The following TMEM120A variants were observed in gnomAD, a reference collection of about 807,000 sequenced individuals.
TMEM120A encodes transmembrane protein 120A, also known as ion channel TACAN.
Under a neutral mutation model 54.3 loss-of-function variants are expected in TMEM120A, and 45 were observed. The ratio of observed to expected loss-of-function variants is 0.83; its 90% CI spans 0.65 to 1.06. The LOEUF is 1.06. Among genes scored for constraint, TMEM120A ranks in the 50% least tolerant of loss-of-function variants. The pLI, the probability that TMEM120A is intolerant of heterozygous loss-of-function variation, is 0.00. For synonymous variants in TMEM120A, 204 were observed against 178.5 expected (o/e 1.14, Z -1.14); for missense variants, 424 against 441.7 (o/e 0.96, Z 0.36).
rs782801337 is a variant in TMEM120A, at chr7:75,987,776, G to T, written c.726C>A (p.Ser242Arg). 1.2e-6 allele frequency: 2 copies of T among 1,612,220 alleles called. No individual in the cohort carries two copies. The highest frequency in any genetic ancestry group is 1.7e-6 in the Non-Finnish European group (2 of 1,179,748). The stretch of plus-strand genomic sequence containing the variant: ...GCGCCCGCAGGCGGTAGAGGCAGCC[G>T]CTCTGGTAGTAGTACTGGAGAAACT... Reference protein sequence around the residue: ...FVQFLQYYYQSGCLYRLRALG... With the variant: ...FVQFLQYYYQRGCLYRLRALG... The change falls in exon 9 of 12, where the codon AGC becomes AGA. Residue 242 changes from serine (S) to arginine (R), a missense_variant. Ser to Arg is a moderately radical substitution (Grantham distance 110). Transcript: ENST00000493111.
intron 5 of TMEM120A, 33 bp from the exon 6 acceptor site, chr7:75,988,374 C>T: frequency 2.5e-6 from 4 of 1,608,456 alleles, no homozygotes; most frequent in Non-Finnish European, 3.4e-6. Context: ...GTTGGTACTG[C>T]AGCGACTGGG....
chr7:75,992,122 G>GGGTGGC, intron 3 of TMEM120A, 22 bp downstream of exon 3: 1 of 1,541,242 alleles, frequency 6.5e-7, no homozygotes, highest in Admixed American at 1.8e-5. Context: ...ACTGAGCTGG[G>GGGTGGC]GGTGGCGGTG....
chr7:75,988,105 G>A lies in TMEM120A; in HGVS notation c.607C>T (p.Leu203=), dbSNP rs1413678225. 1.2e-6 allele frequency: 2 copies of A among 1,609,424 alleles called. No homozygotes were observed. The highest frequency in any genetic ancestry group is 2.7e-5 in the African/African-American group (2 of 74,840). ...WVFHHYVSTF[L]SGVMLTWPDG... ...CACCACGTCAGCATGACTCCCGACAGGAAGGTGGACACGTAGTGATGGAAC... is the reference window on the plus strand; with the variant it reads ...CACCACGTCAGCATGACTCCCGACAAGAAGGTGGACACGTAGTGATGGAAC... Residue 203 remains leucine, a synonymous_variant, in exon 7 of 12, where the codon CTG becomes TTG. Transcript: ENST00000493111.
At chr7:75,987,459 G>GT (rs200093397) in intron 10 of TMEM120A, 31 bp from the exon 11 acceptor site, 26 of 1,560,480 alleles carry the variant, frequency 1.7e-5, no homozygotes, top group Non-Finnish European at 2.3e-5. Flanking sequence ...TTACTCAGAA[G>GT]ACCCAGTCCC....
intron 1 of TMEM120A, among the ~76,000 whole-genome samples, chr7:75,993,061 C>G (rs1789913452): frequency 6.6e-6 from 1 of 152,232 alleles, no homozygotes; most frequent in African/African-American, 2.4e-5. Flanking sequence ...CTCGGCCTCC[C>G]AAAGTGCTGG....
At chr7:75,987,626 C>CA (rs1554560219) in intron 9 of TMEM120A, 24 bp from the exon 10 acceptor site, 1 of 1,605,402 alleles carries the variant, frequency 6.2e-7, no homozygotes, top group East Asian at 2.2e-5. Context: ...GGTCAGGGCA[C>CA]AGGACGGCCA....
rs782713297 is a variant in TMEM120A at position 75,988,271 on chromosome 7, G to A, written c.544C>T (p.Leu182Phe). ...GCCCACCGGGAGCCGTTGTTGATGA[G>A]GATGCTCTCCCGGATGGTCAGGGTG... ...YCTLTIRESILINNGSRIKGW... is the reference protein window; with the variant it reads ...YCTLTIRESIFINNGSRIKGW... Residue 182 changes from leucine to phenylalanine, a missense_variant, in exon 6 of 12, where the codon CTC becomes TTC. Leu to Phe is a conservative substitution (Grantham distance 22). Coordinates refer to ENST00000493111, the MANE Select transcript of TMEM120A (RefSeq NM_031925.3). 1.2e-6 allele frequency: 2 copies of A among 1,612,106 alleles called. No individual in the cohort carries two copies. Among genetic ancestry groups the A allele is most frequent in the African/African-American group, 2.7e-5 (2 of 74,910 alleles).
At chr7:75,990,876 C>A (rs987559643) in intron 3 of TMEM120A, among the ~76,000 whole-genome samples, 1 of 134,884 alleles carries the variant, frequency 7.4e-6, no homozygotes, top group Non-Finnish European at 1.5e-5. Context: ...TCCAGCCTAG[C>A]GACAGAGTGA....
chr7:75,988,059 C>A (rs1554560521), intron 7 of TMEM120A, 24 bp downstream of exon 7: 1 of 1,598,718 alleles, frequency 6.3e-7, no homozygotes, highest in Non-Finnish European at 8.5e-7. Context: ...CAGCTCCTGC[C>A]CCTGCCGGGG....
Position 75,987,065 on chromosome 7 carries a change from G to T in TMEM120A, c.*107C>A. ...CACAGCGCCCATAAAACCCAAGGGAGAATAGAAGAGACCCCCTGATACACG... is the reference window on the plus strand; with the variant it reads ...CACAGCGCCCATAAAACCCAAGGGATAATAGAAGAGACCCCCTGATACACG... On this transcript the variant is annotated 3_prime_UTR_variant, in exon 12 of 12. Transcript: ENST00000493111. 1 of 949,446 alleles carries T rather than the reference G, an allele frequency of 1.1e-6. No homozygotes were observed. The highest frequency in any genetic ancestry group is 1.6e-6 in the Non-Finnish European group (1 of 617,086). 58.8% of individuals were successfully genotyped at this position (949,446 alleles called of 1,614,324 possible).
intron 6 of TMEM120A, 30 bp from the exon 7 acceptor site, chr7:75,988,178 C>T (rs371798181): frequency 6.3e-5 from 102 of 1,611,012 alleles, no homozygotes; most frequent in Middle Eastern, 1.6e-4. Context: ...TCACCCCCAG[C>T]GCCTGTTCCT....
chr7:75,986,831 T>C lies in TMEM120A; in HGVS notation c.*341A>G. 1.7e-6 allele frequency: 1 copy of C among 573,118 alleles called. No individual in the cohort carries two copies. The highest frequency in any genetic ancestry group is 2.4e-5 in the South Asian group (1 of 41,780). 35.5% of individuals were successfully genotyped at this position (573,118 alleles called of 1,614,324 possible). A position where few individuals can be genotyped will look rare whatever the true frequency, so the allele number is the denominator to read the frequency against. ...AATAATTTTAAATAACCTCTGGCCC[T>C]TGGAATAAAGTTCTGTTTTCTGTAT... is the stretch of plus-strand genomic sequence containing the variant. On this transcript the variant is annotated 3_prime_UTR_variant, in exon 12 of 12. Coordinates refer to ENST00000493111, the MANE Select transcript of TMEM120A (RefSeq NM_031925.3).
At chr7:75,987,630 A>G in intron 9 of TMEM120A, 28 bp from the exon 10 acceptor site, 1 of 1,605,218 alleles carries the variant, frequency 6.2e-7, no homozygotes, top group Non-Finnish European at 8.5e-7. Context: ...AGGGCACAGG[A>G]CGGCCAGGGA....
At chr7:75,989,623 G>A (rs1789757240) in intron 3 of TMEM120A, among the ~76,000 whole-genome samples, 1 of 151,488 alleles carries the variant, frequency 6.6e-6, no homozygotes, top group South Asian at 2.1e-4. Flanking sequence ...AGAACCTGCA[G>A]TACTAGGTTC....
intron 1 of TMEM120A, among the ~76,000 whole-genome samples, chr7:75,993,090 C>T (rs1554562255): frequency 1.3e-5 from 2 of 152,214 alleles, no homozygotes; most frequent in African/African-American, 4.8e-5. Context: ...GCATAAGCCA[C>T]CGCACCCAGC....
At chr7:75,994,352 G>GC (rs1440026378) in intron 1 of TMEM120A, 138 bp downstream of exon 1, 2 of 709,718 alleles carry the variant, frequency 2.8e-6, no homozygotes, top group East Asian at 3.1e-5. Flanking sequence ...CAGGGGCCTC[G>GC]CCCCCCTTGG....
chr7:75,991,201 C>T (rs1554561738), intron 3 of TMEM120A, among the ~76,000 whole-genome samples: 1 of 152,100 alleles, frequency 6.6e-6, no homozygotes, highest in African/African-American at 2.4e-5. Flanking sequence ...TGGGTGACAG[C>T]TGCTGGCCTT....
intron 3 of TMEM120A, among the ~76,000 whole-genome samples, chr7:75,989,455 T>A (rs550243423): frequency 6.7e-6 from 1 of 149,112 alleles, no homozygotes; most frequent in Non-Finnish European, 1.5e-5. Flanking sequence ...GGAAACAGTG[T>A]TCCCCCCCAT....
At position 75,987,709 on chromosome 7, in the gene TMEM120A, C is replaced by T. The variant is rs1326688418; in HGVS notation, c.784+9G>A. On this transcript the variant is annotated intron_variant, in intron 9 of 11. Coordinates refer to ENST00000493111, the MANE Select transcript of TMEM120A (RefSeq NM_031925.3). ...GAATGTCCAGATGCCAGGGCCACTC[C>T]CGACTCACCCACAGTGAGGTCCATG... 4 of 1,611,788 alleles carry T rather than the reference C, an allele frequency of 2.5e-6. No homozygotes were observed. In the African/African-American group the frequency reaches 4.0e-5, roughly 16 times the overall value.
Sources: allele counts gnomAD v4.1 joint callset (sites outside exome capture counted in the v4.1 genomes callset), GRCh38; gene constraint gnomAD v4.1.1; transcripts MANE v1.5; gene names NCBI Gene and HGNC (gene_info 2026-07-23, HGNC 2026-07-21).